BRINP1: variants seen among roughly 807,000 people sequenced by gnomAD.
BRINP1 encodes BMP/retinoic acid inducible neural specific 1.
BRINP1 carries 17 observed loss-of-function variants against 72.9 expected under a neutral mutation model. That is an observed-to-expected ratio of 0.23 (90% CI 0.16 to 0.35). The LOEUF is 0.35. Among genes scored for constraint, BRINP1 ranks in the 10% least tolerant of loss-of-function variants. BRINP1 has a pLI of 1.00. For missense variants in BRINP1, 850 were observed against 1,001.6 expected (o/e 0.85, Z 2.04); for synonymous variants, 418 against 378.5 (o/e 1.10, Z -1.21).
At chr9:119,272,713 T>C (rs1830620068) in intron 2 of BRINP1, among the ~76,000 whole-genome samples, 1 of 152,176 alleles carries the variant, frequency 6.6e-6, no homozygotes, top group Non-Finnish European at 1.5e-5. Context: ...GCAGAAACCA[T>C]GAAAGACTCG....
intron 7 of BRINP1, among the ~76,000 whole-genome samples, chr9:119,200,256 G>A (rs887034836): frequency 7.2e-5 from 11 of 152,186 alleles, no homozygotes; most frequent in African/African-American, 2.4e-4. Flanking sequence ...AAGTTATGAA[G>A]AATATAGAAA....
Position 119,315,719 on chromosome 9 carries a change from G to A in BRINP1, c.-50-2314C>T, listed in dbSNP as rs888167412. Among the ~76,000 whole-genome samples, 15 of 152,280 alleles carry A rather than the reference G, an allele frequency of 9.9e-5. 1 individual carries two copies. The East Asian group carries it at 2.7e-3, about 27-fold the overall frequency. On this transcript the variant is annotated intron_variant, in intron 1 of 7. Transcript: ENST00000265922. The stretch of plus-strand genomic sequence containing the variant: ...TGAATGTGAAGGAAAAGTCCTTTAA[G>A]GAAATTAAATGTGCTGTTCCAGTGA...
chr9:119,198,761 TC>T (rs1427424081), intron 7 of BRINP1, among the ~76,000 whole-genome samples: 4 of 151,766 alleles, frequency 2.6e-5, no homozygotes, highest in Non-Finnish European at 5.9e-5. Flanking sequence ...AATCTCCGCC[TC>T]CCAGGCTCAA....
intron 1 of BRINP1, among the ~76,000 whole-genome samples, chr9:119,330,320 C>T (rs1831287144): frequency 6.6e-6 from 1 of 152,166 alleles, no homozygotes. Context: ...AAACTCACCT[C>T]ACCACCATCC....
intron 6 of BRINP1, among the ~76,000 whole-genome samples, chr9:119,212,504 A>G (rs1416481099): frequency 2.0e-5 from 3 of 152,238 alleles, no homozygotes; most frequent in Non-Finnish European, 4.4e-5. Flanking sequence ...GGAATCAGGA[A>G]TTCCATTACC....
intron 7 of BRINP1, among the ~76,000 whole-genome samples, chr9:119,206,779 C>T (rs187564971): frequency 1.4e-4 from 21 of 152,222 alleles, no homozygotes; most frequent in Non-Finnish European, 8.8e-5. Flanking sequence ...CCACAGTGCT[C>T]GATGCAGGTC....
intron 2 of BRINP1, among the ~76,000 whole-genome samples, chr9:119,267,926 G>A (rs969655075): frequency 1.3e-5 from 2 of 152,112 alleles, no homozygotes; most frequent in African/African-American, 2.4e-5. Context: ...AAAGATGAAC[G>A]AGAGAGAAAT....
chr9:119,206,177 A>G (rs989823783), intron 7 of BRINP1, among the ~76,000 whole-genome samples: 1 of 152,060 alleles, frequency 6.6e-6, no homozygotes, highest in Admixed American at 6.6e-5. Context: ...GCACTTTGGG[A>G]GGCTGAGGTG....
chr9:119,233,843 C>A (rs377623434), intron 5 of BRINP1, among the ~76,000 whole-genome samples: 1 of 152,082 alleles, frequency 6.6e-6, no homozygotes, highest in South Asian at 2.1e-4. Context: ...CTCCTAAAAC[C>A]GTGTATTTGT....
At chr9:119,289,696 G>A (rs902057386) in intron 2 of BRINP1, among the ~76,000 whole-genome samples, 1 of 152,182 alleles carries the variant, frequency 6.6e-6, no homozygotes, top group African/African-American at 2.4e-5. Context: ...CATACTGCCT[G>A]TCCCACCAGT....
intron 4 of BRINP1, among the ~76,000 whole-genome samples, chr9:119,240,663 C>T (rs1420153918): frequency 1.3e-5 from 2 of 152,104 alleles, no homozygotes; most frequent in African/African-American, 2.4e-5. Context: ...CAAATACAGG[C>T]GATTCTTTTC....
At chr9:119,319,147 C>A (rs1831158648) in intron 1 of BRINP1, among the ~76,000 whole-genome samples, 1 of 152,112 alleles carries the variant, frequency 6.6e-6, no homozygotes, top group Non-Finnish European at 1.5e-5. Context: ...TCTAATCCAA[C>A]TCCTTTTTAC....
intron 7 of BRINP1, among the ~76,000 whole-genome samples, chr9:119,197,121 G>T (rs931476251): frequency 2.0e-5 from 3 of 152,164 alleles, no homozygotes; most frequent in African/African-American, 7.2e-5. Context: ...TTGCAAATAT[G>T]GCAAGTGCTA....
At chr9:119,237,989 A>T (rs1830209225) in intron 5 of BRINP1, among the ~76,000 whole-genome samples, 1 of 152,164 alleles carries the variant, frequency 6.6e-6, no homozygotes, top group Non-Finnish European at 1.5e-5. Context: ...AATTATTAAG[A>T]TCATGCCACC....
Position 119,167,037 on chromosome 9 carries a change from T to C in BRINP1, c.*47A>G. 1.3e-6 allele frequency: 2 copies of C among 1,525,796 alleles called. No homozygotes were observed. Among genetic ancestry groups the C allele is most frequent in the Non-Finnish European group, 1.8e-6 (2 of 1,131,322 alleles). The allele number at this position is 1,525,796 out of a possible 1,614,324, so 94.5% of individuals were successfully genotyped here. A position where few individuals can be genotyped will look rare whatever the true frequency, so the allele number is the denominator to read the frequency against. ...TTTTGTTTTGCTTCATTTTGTTCTG[T>C]TGTGTGTGTACAACAACAGGAAAAG... is the stretch of plus-strand genomic sequence containing the variant. On this transcript the variant is annotated 3_prime_UTR_variant, in exon 8 of 8. Transcript: ENST00000265922. The surrounding 1 kb of genome is among the most constrained non-coding windows in gnomAD (Gnocchi z 4.3).
intron 2 of BRINP1, among the ~76,000 whole-genome samples, chr9:119,272,638 T>G (rs1449413311): frequency 6.6e-6 from 1 of 152,156 alleles, no homozygotes; most frequent in Non-Finnish European, 1.5e-5. Context: ...AAGGGGAACA[T>G]GGACTCTGTG....
chr9:119,225,421 AG>A (rs1830080041), intron 5 of BRINP1, among the ~76,000 whole-genome samples: 2 of 152,054 alleles, frequency 1.3e-5, no homozygotes, highest in African/African-American at 4.8e-5. Context: ...TATATAAAAT[AG>A]CATAGTATTT....
At chr9:119,365,698 G>A (rs1180072085) in intron 1 of BRINP1, among the ~76,000 whole-genome samples, 1 of 152,128 alleles carries the variant, frequency 6.6e-6, no homozygotes, top group East Asian at 1.9e-4. Context: ...ACCTATCAGG[G>A]GAGGGTGTTT....
In BRINP1 at chr9:119,242,203, C is replaced by T; in HGVS notation, c.423G>A (p.Leu141=). 6.2e-7 allele frequency: 1 copy of T among 1,613,986 alleles called. No homozygotes were observed. Among genetic ancestry groups the T allele is most frequent in the Non-Finnish European group, 8.5e-7 (1 of 1,179,964 alleles). The change falls in exon 4 of 8, where the codon TTG becomes TTA. Residue 141 remains leucine, a synonymous_variant. Transcript: ENST00000265922. The stretch of plus-strand genomic sequence containing the variant: ...GGCGACTTTTGTCCATATACATGGT[C>T]AAAGCCTCCTCCCCTGGATGGGAAA... ...ISATLGGEEA[L]TMYMDKSRLD...
Sources: allele counts gnomAD v4.1 joint callset (sites outside exome capture counted in the v4.1 genomes callset), GRCh38; gene constraint gnomAD v4.1.1; non-coding constraint Gnocchi (gnomAD v3.1); transcripts MANE v1.5; gene names NCBI Gene and HGNC (gene_info 2026-07-23, HGNC 2026-07-21).